OXCT1: variants seen among roughly 807,000 people sequenced by gnomAD.
OXCT1 encodes succinyl-CoA:3-ketoacid coenzyme A transferase 1, mitochondrial.
OXCT1 carries 27 observed loss-of-function variants against 69.6 expected under a neutral mutation model. That is an observed-to-expected ratio of 0.39 (90% confidence interval 0.29 to 0.54). OXCT1 has a LOEUF of 0.54. Among genes scored for constraint, OXCT1 ranks in the 20% least tolerant of loss-of-function variants. The pLI, the probability that OXCT1 is intolerant of heterozygous loss-of-function variation, is 0.72. For synonymous variants in OXCT1, 202 were observed against 217.8 expected (o/e 0.93, Z 0.64); for missense variants, 437 against 650.2 (o/e 0.67, Z 3.57).
chr5:41,781,948 A>T (rs545235903), intron 13 of OXCT1, among the ~76,000 whole-genome samples: 1 of 152,158 alleles, frequency 6.6e-6, no homozygotes, highest in South Asian at 2.1e-4. Flanking sequence ...AGAATGATTT[A>T]TGTTCCCATG....
intron 7 of OXCT1, 82 bp downstream of exon 7, chr5:41,840,369 T>G (rs930449657): frequency 5.8e-6 from 6 of 1,026,738 alleles, no homozygotes; most frequent in Non-Finnish European, 9.2e-6. Flanking sequence ...ATAAAACAAA[T>G]GAACTGTGGT....
chr5:41,752,224 T>C (rs181013716), intron 14 of OXCT1, among the ~76,000 whole-genome samples: 46 of 152,246 alleles, frequency 3.0e-4, no homozygotes, highest in African/African-American at 1.1e-3. Context: ...ATTTTTGTGG[T>C]CCCTTAAATT....
intron 13 of OXCT1, among the ~76,000 whole-genome samples, chr5:41,789,475 T>C (rs1745810105): frequency 6.6e-6 from 1 of 152,208 alleles, no homozygotes; most frequent in Non-Finnish European, 1.5e-5. Flanking sequence ...GTTGAATGAA[T>C]TAGCGAATTT....
chr5:41,740,818 C>T (rs1743125567), intron 15 of OXCT1, among the ~76,000 whole-genome samples: 1 of 152,222 alleles, frequency 6.6e-6, no homozygotes, highest in South Asian at 2.1e-4. Context: ...TACCCTCCAG[C>T]ATATTAAGCA....
intron 7 of OXCT1, among the ~76,000 whole-genome samples, chr5:41,824,893 C>A (rs1196941686): frequency 2.6e-5 from 4 of 152,154 alleles, no homozygotes; most frequent in Non-Finnish European, 4.4e-5. Context: ...AAATTTTCTT[C>A]TGAGTTTTGT....
intron 13 of OXCT1, among the ~76,000 whole-genome samples, chr5:41,789,505 A>G (rs1163774993): frequency 6.6e-6 from 1 of 152,244 alleles, no homozygotes; most frequent in Non-Finnish European, 1.5e-5. Flanking sequence ...AACAAGCATG[A>G]GTTAAAAATT....
rs1470556507 is a variant in OXCT1 at position 41,787,655 on chromosome 5, A to G, written c.1248+6348T>C. Among the ~76,000 whole-genome samples the G allele has an allele frequency of 2.0e-5, 3 of 151,012 alleles. No individual in the cohort carries two copies. In the East Asian group the frequency reaches 5.8e-4, roughly 29 times the overall value. On this transcript the variant is annotated intron_variant, in intron 13 of 16. Transcript: ENST00000196371. Reference sequence around the variant, plus strand: ...TAGGCAAAAAAAAAAAAAAAAAAAAAAAAGCCCAAAACTAACACAGGTCTA... The same window carrying G: ...TAGGCAAAAAAAAAAAAAAAAAAAAGAAAGCCCAAAACTAACACAGGTCTA...
chr5:41,862,780 T>C lies in OXCT1; in HGVS notation c.79-30A>G, dbSNP rs769391243. 9 of 1,284,988 alleles carry C rather than the reference T, an allele frequency of 7.0e-6. No homozygotes were observed. The South Asian group carries it at 9.5e-5, about 14-fold the overall frequency. 79.6% of individuals were successfully genotyped at this position (1,284,988 alleles called of 1,614,324 possible). Reference sequence around the variant, plus strand: ...AATATTAAAAAAAAAAAATTGATAATCATTTGGAGATACAGCTTTACTTTG... The same window carrying C: ...AATATTAAAAAAAAAAAATTGATAACCATTTGGAGATACAGCTTTACTTTG... On this transcript the variant is annotated intron_variant, in intron 1 of 16. Transcript: ENST00000196371.
chr5:41,763,541 G>C (rs992024259), intron 13 of OXCT1, among the ~76,000 whole-genome samples: 22 of 152,220 alleles, frequency 1.4e-4, no homozygotes, highest in African/African-American at 5.3e-4. Context: ...AAATAAGTCA[G>C]AGATGGAAGC....
In OXCT1 at chr5:41,730,525, C is replaced by T. The variant is rs1342936080; in HGVS notation, c.*1204G>A. 1 of 152,236 alleles carries T rather than the reference C, an allele frequency of 6.6e-6. No homozygotes were observed. Among genetic ancestry groups the T allele is most frequent in the Non-Finnish European group, 1.5e-5 (1 of 68,050 alleles). 9.4% of individuals were successfully genotyped at this position (152,236 alleles called of 1,614,324 possible). On this transcript the variant is annotated 3_prime_UTR_variant, in exon 17 of 17. Transcript: ENST00000196371. ...GTACTGTACTATGCCTACCTCTGTC[C>T]AGAGGCCAGCTGTCTCACCTGTTCT... is the stretch of plus-strand genomic sequence containing the variant.
At chr5:41,854,311 G>A (rs1749328240) in intron 3 of OXCT1, among the ~76,000 whole-genome samples, 1 of 152,076 alleles carries the variant, frequency 6.6e-6, no homozygotes, top group Admixed American at 6.5e-5. Flanking sequence ...CTTAGAAATG[G>A]TATACACAGT....
intron 7 of OXCT1, among the ~76,000 whole-genome samples, chr5:41,823,999 G>T (rs778373117): frequency 6.6e-6 from 1 of 152,124 alleles, no homozygotes; most frequent in African/African-American, 2.4e-5. Flanking sequence ...GTCAGCTAAA[G>T]GTCTATGAGC....
At chr5:41,773,624 C>A (rs1744986357) in intron 13 of OXCT1, among the ~76,000 whole-genome samples, 1 of 147,846 alleles carries the variant, frequency 6.8e-6, no homozygotes. Flanking sequence ...CACCCCCACC[C>A]CTCTGCCAAA....
intron 14 of OXCT1, among the ~76,000 whole-genome samples, chr5:41,752,540 G>A (rs1410692367): frequency 6.6e-6 from 1 of 151,922 alleles, no homozygotes; most frequent in Non-Finnish European, 1.5e-5. Flanking sequence ...ATCACTTGAG[G>A]CCAGCAGTTC....
In OXCT1 at chr5:41,805,492, G is replaced by C; in HGVS notation, c.955+75C>G. ...AGACTAGAGATGACTCACTATGCAA[G>C]AGGTCTAATAGCCTGATCAATATGG... On this transcript the variant is annotated intron_variant, in intron 9 of 16. Transcript: ENST00000196371. The C allele has an allele frequency of 3.2e-6, 3 of 929,202 alleles. No homozygotes were observed. The Admixed American group carries it at 5.1e-5, about 16-fold the overall frequency. 57.6% of individuals were successfully genotyped at this position (929,202 alleles called of 1,614,324 possible). A position where few individuals can be genotyped will look rare whatever the true frequency, so the allele number is the denominator to read the frequency against.
chr5:41,746,976 G>C (rs1375882583), intron 15 of OXCT1, among the ~76,000 whole-genome samples: 1 of 152,076 alleles, frequency 6.6e-6, no homozygotes, highest in Admixed American at 6.6e-5. Context: ...TTAGAATTTT[G>C]AGATTTTTTG....
chr5:41,797,696 G>A (rs149640431), intron 11 of OXCT1, among the ~76,000 whole-genome samples: 7 of 152,226 alleles, frequency 4.6e-5, no homozygotes, highest in East Asian at 1.9e-4. Flanking sequence ...CTTAAACAGC[G>A]TTATAAACCA....
At position 41,762,284 on chromosome 5, in the gene OXCT1, C is replaced by T; in HGVS notation, c.1249-84G>A. 1.9e-6 allele frequency: 2 copies of T among 1,056,036 alleles called. No individual in the cohort carries two copies. The highest frequency in any genetic ancestry group is 1.7e-5 in the Admixed American group (1 of 59,012). The allele number at this position is 1,056,036 out of a possible 1,614,324, so 65.4% of individuals were successfully genotyped here. A position where few individuals can be genotyped will look rare whatever the true frequency, so the allele number is the denominator to read the frequency against. ...AAAATTAACTTGCAAAAATAAGCTA[C>T]TAGAATCATTAAAAACTCATTGTCC... is the stretch of plus-strand genomic sequence containing the variant. On this transcript the variant is annotated intron_variant, in intron 13 of 16. Transcript: ENST00000196371. The surrounding 1 kb of genome is among the most constrained non-coding windows in gnomAD (Gnocchi z 4.0).
chr5:41,742,575 G>A (rs553187615), intron 15 of OXCT1, among the ~76,000 whole-genome samples: 36 of 152,244 alleles, frequency 2.4e-4, no homozygotes, highest in African/African-American at 7.0e-4. Flanking sequence ...TTGGTGTGCT[G>A]CACCCATTAA....
Sources: gnomAD v4.1 joint callset for allele counts (sites outside exome capture counted in the v4.1 genomes callset) on GRCh38, gnomAD v4.1.1 for gene constraint, Gnocchi (gnomAD v3.1) non-coding constraint, MANE v1.5 for transcripts, NCBI Gene and HGNC (gene_info 2026-07-23, HGNC 2026-07-21) for gene names.